The following SLCO3A1 variants were observed in gnomAD, a reference collection of about 807,000 sequenced individuals.
SLCO3A1 encodes PGE1 transporter.
Under a neutral mutation model 63.1 loss-of-function variants are expected in SLCO3A1, and 27 were observed. The ratio of observed to expected loss-of-function variants is 0.43; its 90% CI spans 0.32 to 0.59. The LOEUF is 0.59. SLCO3A1 is among the 20% of genes least tolerant of loss of function. The pLI, the probability that SLCO3A1 is intolerant of heterozygous loss-of-function variation, is 0.09. For synonymous variants in SLCO3A1, 473 were observed against 409.9 expected, an observed-to-expected ratio of 1.15 and a Z score of -1.86; for missense variants, 773 against 945.8, an observed-to-expected ratio of 0.82 and a Z score of 2.40.
chr15:92,077,542 C>T (rs930328433), intron 2 of SLCO3A1, among the ~76,000 whole-genome samples: 14 of 152,168 alleles, frequency 9.2e-5, no homozygotes, highest in Admixed American at 7.2e-4. Context: ...CGTCTGGCTC[C>T]CTCTGGTGAC....
At chr15:91,915,189 T>C (rs1341590361) in intron 1 of SLCO3A1, among the ~76,000 whole-genome samples, 1 of 152,192 alleles carries the variant, frequency 6.6e-6, no homozygotes, top group Non-Finnish European at 1.5e-5. Context: ...TTTACCTTCT[T>C]GCTAGATGGC....
At chr15:91,957,142 T>TTATATATATACTATATAG (rs1555417761) in intron 2 of SLCO3A1, among the ~76,000 whole-genome samples, 1 of 5,436 alleles carries the variant, frequency 1.8e-4, no homozygotes, top group Non-Finnish European at 2.7e-4. Flanking sequence ...ATACTATATA[T>TTATATATATACTATATAG]TATAATATAT....
At chr15:91,958,686 T>C (rs1900327520) in intron 2 of SLCO3A1, among the ~76,000 whole-genome samples, 1 of 152,166 alleles carries the variant, frequency 6.6e-6, no homozygotes, top group Non-Finnish European at 1.5e-5. Context: ...CTATAAAATT[T>C]GCCCCAGTGA....
chr15:92,106,556 T>G (rs1053398376), intron 4 of SLCO3A1, among the ~76,000 whole-genome samples: 1 of 152,194 alleles, frequency 6.6e-6, no homozygotes, highest in Non-Finnish European at 1.5e-5. Context: ...TACAGTATTT[T>G]CAGGTTGCTC....
rs1897468699 is a variant in SLCO3A1 at position 91,878,716 on chromosome 15, G to C, written c.180+24628G>C. On this transcript the variant is annotated intron_variant, in intron 1 of 9. Coordinates refer to ENST00000318445, the MANE Select transcript of SLCO3A1 (RefSeq NM_013272.4). ...CGTCTTTCTCACAACTCAAAGCGTAGATTTTCATGCCCAGAAAAATTTTCA... is the reference window on the plus strand; with the variant it reads ...CGTCTTTCTCACAACTCAAAGCGTACATTTTCATGCCCAGAAAAATTTTCA... Among the ~76,000 whole-genome samples the C allele has an allele frequency of 2.6e-5, 4 of 152,080 alleles. No homozygotes were observed. In the South Asian group the frequency reaches 8.3e-4, roughly 32 times the overall value.
chr15:91,930,777 T>C (rs929400229), intron 2 of SLCO3A1, among the ~76,000 whole-genome samples: 17 of 151,404 alleles, frequency 1.1e-4, no homozygotes, highest in African/African-American at 4.1e-4. Flanking sequence ...TCTTGACATA[T>C]ATTATCTGGT....
intron 7 of SLCO3A1, among the ~76,000 whole-genome samples, chr15:92,141,166 G>T (rs1003063991): frequency 6.6e-5 from 10 of 152,286 alleles, no homozygotes; most frequent in African/African-American, 2.2e-4. Context: ...AAGTTTGGAT[G>T]CCAAGCAGAG....
intron 2 of SLCO3A1, among the ~76,000 whole-genome samples, chr15:91,953,895 G>A (rs994542913): frequency 6.6e-6 from 1 of 152,182 alleles, no homozygotes; most frequent in African/African-American, 2.4e-5. Context: ...TTCTGAGGTG[G>A]AGGATGGGAA....
At chr15:91,855,026 G>GA (rs1179476955) in intron 1 of SLCO3A1, among the ~76,000 whole-genome samples, 11 of 152,258 alleles carry the variant, frequency 7.2e-5, no homozygotes, top group Middle Eastern at 3.4e-3. Context: ...GTCTAAACGG[G>GA]AAATTTTTTT....
intron 9 of SLCO3A1, among the ~76,000 whole-genome samples, chr15:92,161,334 T>C (rs2048434091): frequency 6.6e-6 from 1 of 152,190 alleles, no homozygotes; most frequent in South Asian, 2.1e-4. Flanking sequence ...CACCAAATGC[T>C]CTGATTTCAG....
chr15:91,916,032 C>G lies in SLCO3A1; in HGVS notation c.220C>G (p.Gln74Glu). The change falls in exon 2 of 10, where the codon CAG (glutamine) becomes GAG (glutamate). Residue 74 changes from glutamine (Q) to glutamate (E), a missense_variant. Gln to Glu is a conservative substitution (Grantham distance 29). Around this residue, in one of 3 missense-constraint regions of SLCO3A1, gnomAD observed 565 missense variants for 749.8 expected, o/e 0.75. Coordinates refer to ENST00000318445, the MANE Select transcript of SLCO3A1 (RefSeq NM_013272.4). This position sits in a 1 kb window ranked among gnomAD's most constrained non-coding sequence, Gnocchi z 6.2. Reference sequence around the variant, plus strand: ...CACCCTGGAGCGTAGGTTCAACCTGCAGAGCGCTGACGTGGGTGTGATCGC... The same window carrying G: ...CACCCTGGAGCGTAGGTTCAACCTGGAGAGCGCTGACGTGGGTGTGATCGC... ...LTTLERRFNL[Q>E]SADVGVIASS... is the part of the protein sequence containing the mutation. 6.2e-7 allele frequency: 1 copy of G among 1,613,422 alleles called. No individual in the cohort carries two copies. Among genetic ancestry groups the G allele is most frequent in the Non-Finnish European group, 8.5e-7 (1 of 1,179,972 alleles).
At chr15:92,084,112 C>T (rs1298430474) in intron 2 of SLCO3A1, among the ~76,000 whole-genome samples, 2 of 152,138 alleles carry the variant, frequency 1.3e-5, no homozygotes, top group Middle Eastern at 3.2e-3. Flanking sequence ...TACATGGTTC[C>T]AGGAATGATA....
At chr15:92,006,514 G>T (rs1490136576) in intron 2 of SLCO3A1, among the ~76,000 whole-genome samples, 2 of 152,154 alleles carry the variant, frequency 1.3e-5, no homozygotes, top group Non-Finnish European at 2.9e-5. Flanking sequence ...ATGAGTGCTG[G>T]GGTTCATGCT....
At chr15:92,071,018 G>A (rs1259546976) in intron 2 of SLCO3A1, among the ~76,000 whole-genome samples, 6 of 152,136 alleles carry the variant, frequency 3.9e-5, no homozygotes, top group African/African-American at 1.4e-4. Flanking sequence ...ACACAGAAAA[G>A]CAATCATATG....
chr15:91,998,165 T>C (rs564955248), intron 2 of SLCO3A1, among the ~76,000 whole-genome samples: 2 of 152,258 alleles, frequency 1.3e-5, no homozygotes, highest in African/African-American at 4.8e-5. Flanking sequence ...CATTAAAAAG[T>C]GGGCAAGGTC....
chr15:91,877,716 T>C (rs1897435267), intron 1 of SLCO3A1, among the ~76,000 whole-genome samples: 1 of 152,084 alleles, frequency 6.6e-6, no homozygotes. Flanking sequence ...TTTTGAAGGC[T>C]AGGCTCAATC....
At chr15:91,910,567 G>A (rs770293907) in intron 1 of SLCO3A1, among the ~76,000 whole-genome samples, 21 of 152,306 alleles carry the variant, frequency 1.4e-4, no homozygotes, top group Middle Eastern at 6.8e-3. Flanking sequence ...ATTAATGTCC[G>A]CAGAAGCAAG....
At chr15:92,091,030 T>A (rs2047467626) in intron 2 of SLCO3A1, among the ~76,000 whole-genome samples, 1 of 152,206 alleles carries the variant, frequency 6.6e-6, no homozygotes, top group Middle Eastern at 3.2e-3. Context: ...TACTCTCACC[T>A]GGACTTTTCC....
At position 91,912,913 on chromosome 15, in the gene SLCO3A1, G is replaced by C. The variant is rs187994884; in HGVS notation, c.181-3080G>C. Among the ~76,000 whole-genome samples, 82 of 152,264 alleles carry C rather than the reference G, an allele frequency of 5.4e-4. 2 individuals carry two copies. The highest frequency in any genetic ancestry group is 5.3e-3 in the Admixed American group (81 of 15,298). On this transcript the variant is annotated intron_variant, in intron 1 of 9. Coordinates refer to ENST00000318445, the MANE Select transcript of SLCO3A1 (RefSeq NM_013272.4). The surrounding 1 kb of genome is among the most constrained non-coding windows in gnomAD (Gnocchi z 5.0). ...AGCCCCCTACCTCCCAGGTCTTTAG[G>C]CTGCCTTCCTTTTTGTTGCCACATT...
Sources: gnomAD v4.1 joint callset for allele counts (sites outside exome capture counted in the v4.1 genomes callset) on GRCh38, gnomAD v4.1.1 for gene constraint, gnomAD v4.1.1 regional missense constraint, Gnocchi (gnomAD v3.1) non-coding constraint, MANE v1.5 for transcripts, NCBI Gene and HGNC (gene_info 2026-07-23, HGNC 2026-07-21) for gene names.